The following ANKRD37 variants were observed in gnomAD, a reference collection of about 807,000 sequenced individuals.
The protein encoded by ANKRD37 is ankyrin repeat domain-containing protein 37.
A neutral mutation model predicts 19.7 loss-of-function variants in ANKRD37; 17 were observed. The ratio of observed to expected loss-of-function variants is 0.86; its 90% confidence interval spans 0.59 to 1.29. ANKRD37 has a LOEUF of 1.29. Among genes scored for constraint, ANKRD37 ranks in the 50% most tolerant of loss-of-function variants. ANKRD37 has a pLI of 0.00. For synonymous variants in ANKRD37, 79 were observed against 74.5 expected (o/e 1.06, Z -0.31); for missense variants, 207 against 190.4 (o/e 1.09, Z -0.51).
intron 2 of ANKRD37, among the ~76,000 whole-genome samples, chr4:185,398,067 C>T (rs2095507754): frequency 6.6e-6 from 1 of 152,190 alleles, no homozygotes; most frequent in Non-Finnish European, 1.5e-5. Context: ...AAGAGATTCT[C>T]CTGCCTCAGC....
In ANKRD37 at chr4:185,396,854, T is replaced by G; in HGVS notation, c.-70T>G. 6.5e-7 allele frequency: 1 copy of G among 1,533,000 alleles called. No homozygotes were observed. Among genetic ancestry groups the G allele is most frequent in the East Asian group, 2.2e-5 (1 of 44,486 alleles). The allele number at this position is 1,533,000 out of a possible 1,614,324, so 95.0% of individuals were successfully genotyped here. On this transcript the variant is annotated 5_prime_UTR_variant, in exon 1 of 5. Transcript: ENST00000335174. ...TAGGGCCAGCCTGCGCATTCTTACCTGTCGGGGTGCGGCGAGTGTCTCACC... is the reference window on the plus strand; with the variant it reads ...TAGGGCCAGCCTGCGCATTCTTACCGGTCGGGGTGCGGCGAGTGTCTCACC...
intron 2 of ANKRD37, 143 bp from the exon 3 acceptor site, chr4:185,398,794 C>CA (rs34434090): frequency 0.2 from 50,285 of 253,038 alleles, 3,757 homozygotes; most frequent in African/African-American, 0.44. Flanking sequence ...TGTTCTCTGC[C>CA]AAAAAAAAAA....
intron 2 of ANKRD37, 170 bp downstream of exon 2, chr4:185,397,472 CTT>C: frequency 1.1e-6 from 1 of 914,832 alleles, no homozygotes; most frequent in Non-Finnish European, 1.5e-6. Flanking sequence ...TTTTTCCAGT[CTT>C]GATGTGAGGA....
At chr4:185,397,444 A>C in intron 2 of ANKRD37, 142 bp downstream of exon 2, 2 of 1,157,418 alleles carry the variant, frequency 1.7e-6, no homozygotes, top group Non-Finnish European at 2.3e-6. Flanking sequence ...TGCAAGACAC[A>C]GATGTAATTT....
chr4:185,399,643 C>T lies in ANKRD37; in HGVS notation c.346C>T (p.Leu116Phe). The T allele has an allele frequency of 6.2e-7, 1 of 1,614,160 alleles. No homozygotes were observed. Among genetic ancestry groups the T allele is most frequent in the Non-Finnish European group, 8.5e-7 (1 of 1,180,010 alleles). ...TGGATTTCCAGACTGTGCCAAGTTTCTTACAACAATTAAATGTATGCAGAC... is the reference window on the plus strand; with the variant it reads ...TGGATTTCCAGACTGTGCCAAGTTTTTTACAACAATTAAATGTATGCAGAC... ...SCGFPDCAKF[L>F]TTIKCMQTIK... Residue 116 changes from leucine to phenylalanine, a missense_variant, in exon 4 of 5, where the codon CTT becomes TTT. Coordinates refer to ENST00000335174, the MANE Select transcript of ANKRD37 (RefSeq NM_181726.4).
At chr4:185,399,149 A>T (rs2095509901) in intron 3 of ANKRD37, 121 bp downstream of exon 3, 3 of 840,406 alleles carry the variant, frequency 3.6e-6, no homozygotes, top group African/African-American at 1.7e-5. Context: ...ATTTAGTGTT[A>T]ATCATTTAAA....
Position 185,398,938 on chromosome 4 carries a change from A to G in ANKRD37, c.182A>G (p.Asp61Gly). The G allele has an allele frequency of 6.2e-7, 1 of 1,613,370 alleles. No homozygotes were observed. The highest frequency in any genetic ancestry group is 8.5e-7 in the Non-Finnish European group (1 of 1,179,488). ...TAAAATGCACCATCTTACCTTAAGG[A>G]TGTTTTAGGAGAAGCTCCACTACAC... Reference protein sequence around the residue: ...LQTGADLNQQDVLGEAPLHKA... With the variant: ...LQTGADLNQQGVLGEAPLHKA... Residue 61 changes from aspartate (D) to glycine (G), a missense_variant and splice_region_variant, in exon 3 of 5, where the codon GAT (aspartate) becomes GGT (glycine). Physicochemically the swap from Asp to Gly is moderately conservative, Grantham distance 94. Transcript: ENST00000335174.
rs1223867526 is a variant in ANKRD37, at chr4:185,399,700, G to A, written c.403G>A (p.Asp135Asn). The change falls in exon 4 of 5, where the codon GAT becomes AAT. Residue 135 changes from aspartate to asparagine, a missense_variant. Coordinates refer to ENST00000335174, the MANE Select transcript of ANKRD37 (RefSeq NM_181726.4). ...AGCAAGTGAACACCCTGACAGGAATGATTGTGTTGCCGTGCTCAGACAGAA... is the reference window on the plus strand; with the variant it reads ...AGCAAGTGAACACCCTGACAGGAATAATTGTGTTGCCGTGCTCAGACAGAA... ...IKASEHPDRN[D>N]CVAVLRQKRS... 6.2e-7 allele frequency: 1 copy of A among 1,614,146 alleles called. No homozygotes were observed. The highest frequency in any genetic ancestry group is 1.1e-5 in the South Asian group (1 of 91,060).
downstream of ANKRD37, chr4:185,400,297 A>C: frequency 1.9e-6 from 2 of 1,061,090 alleles, no homozygotes; most frequent in Non-Finnish European, 2.8e-6. Context: ...TTAAATCGTC[A>C]AACTAGAACC....
In ANKRD37 at chr4:185,400,136, T is replaced by C; in HGVS notation, c.*119T>C. 4 of 980,718 alleles carry C rather than the reference T, an allele frequency of 4.1e-6. No individual in the cohort carries two copies. Among genetic ancestry groups the C allele is most frequent in the Non-Finnish European group, 4.6e-6 (3 of 655,802 alleles). The allele number at this position is 980,718 out of a possible 1,614,324, so 60.8% of individuals were successfully genotyped here. On this transcript the variant is annotated 3_prime_UTR_variant, in exon 5 of 5. Transcript: ENST00000335174. ...TCTCCTTCTGAGAAGGACGAAAAAC[T>C]TTCTTCCAAGTGAAGATCCATTTAA...
intron 3 of ANKRD37, 55 bp downstream of exon 3, chr4:185,399,083 A>G (rs2095509810): frequency 1.4e-6 from 2 of 1,402,066 alleles, no homozygotes; most frequent in Non-Finnish European, 2.0e-6. Flanking sequence ...TAAACTAATC[A>G]GACTCCTGAA....
At position 185,400,089 on chromosome 4, in the gene ANKRD37, CT is replaced by C; in HGVS notation, c.*75del. The C allele has an allele frequency of 7.2e-7, 1 of 1,389,802 alleles. No homozygotes were observed. Among genetic ancestry groups the C allele is most frequent in the South Asian group, 1.2e-5 (1 of 80,174 alleles). 86.1% of individuals were successfully genotyped at this position (1,389,802 alleles called of 1,614,324 possible). On this transcript the variant is annotated 3_prime_UTR_variant, in exon 5 of 5. Coordinates refer to ENST00000335174, the MANE Select transcript of ANKRD37 (RefSeq NM_181726.4). ...CAAATCTATAAGCTCCTGCTTTTGG[CT>C]TTACCATATGTTGTGTCTAATCTCC...
chr4:185,396,964 T>G lies in ANKRD37; in HGVS notation c.27+14T>G. On this transcript the variant is annotated intron_variant, in intron 1 of 4. Coordinates refer to ENST00000335174, the MANE Select transcript of ANKRD37 (RefSeq NM_181726.4). ...TGCAACCCCGAGGTGAGATTCGGGC[T>G]CACAGAGCCCGAGCTTTTGTCCTGC... 1.2e-6 allele frequency: 2 copies of G among 1,613,402 alleles called. No homozygotes were observed. The highest frequency in any genetic ancestry group is 1.7e-6 in the Non-Finnish European group (2 of 1,180,010).
Position 185,400,048 on chromosome 4 carries a change from A to T in ANKRD37, c.*31A>T. ...CGTGGGTTATGAAGAAGTCTGAAGAACGCCTTCATTTCATGCAAATCTATA... is the reference window on the plus strand; with the variant it reads ...CGTGGGTTATGAAGAAGTCTGAAGATCGCCTTCATTTCATGCAAATCTATA... On this transcript the variant is annotated 3_prime_UTR_variant, in exon 5 of 5. Coordinates refer to ENST00000335174, the MANE Select transcript of ANKRD37 (RefSeq NM_181726.4). 6.4e-7 allele frequency: 1 copy of T among 1,565,088 alleles called. No individual in the cohort carries two copies. Among genetic ancestry groups the T allele is most frequent in the Non-Finnish European group, 8.7e-7 (1 of 1,143,022 alleles).
chr4:185,400,704 TAAA>T (rs971181848), downstream of ANKRD37: 2 of 390,864 alleles, frequency 5.1e-6, no homozygotes, highest in Non-Finnish European at 4.5e-6. Flanking sequence ...TAAAAATCAT[TAAA>T]AAAAATTTAC....
At chr4:185,398,302 GAACT>G (rs1424639474) in intron 2 of ANKRD37, among the ~76,000 whole-genome samples, 1 of 151,840 alleles carries the variant, frequency 6.6e-6, no homozygotes, top group Non-Finnish European at 1.5e-5. Flanking sequence ...CAAACTAAAA[GAACT>G]AATCAAAAAT....
chr4:185,400,567 C>G, downstream of ANKRD37: 2 of 912,520 alleles, frequency 2.2e-6, no homozygotes, highest in East Asian at 2.5e-5. Flanking sequence ...GTCAGCAGGA[C>G]CTTGGAATAA....
chr4:185,397,378 A>C lies in ANKRD37; in HGVS notation c.180+76A>C, dbSNP rs2095506155. 5 of 1,544,832 alleles carry C rather than the reference A, an allele frequency of 3.2e-6. No homozygotes were observed. The East Asian group carries it at 1.1e-4, about 35-fold the overall frequency. The stretch of plus-strand genomic sequence containing the variant: ...ACACAAACATTTCTCAGACGCCAAG[A>C]GTTGTTTCAGCTGTTAAAAACATGT... On this transcript the variant is annotated intron_variant, in intron 2 of 4. Transcript: ENST00000335174.
At chr4:185,397,009 C>T in intron 1 of ANKRD37, 59 bp downstream of exon 1, 1 of 1,610,716 alleles carries the variant, frequency 6.2e-7, no homozygotes, top group African/African-American at 1.3e-5. Context: ...CTTCTAGATT[C>T]GTCTTCTCGT....
Sources: gnomAD v4.1 joint callset for allele counts (sites outside exome capture counted in the v4.1 genomes callset) on GRCh38, gnomAD v4.1.1 for gene constraint, MANE v1.5 for transcripts, NCBI Gene and HGNC (gene_info 2026-07-23, HGNC 2026-07-21) for gene names.